The following UNC79 variants were observed in gnomAD, a reference collection of about 807,000 sequenced individuals.
UNC79 encodes unc-79 subunit of NALCN channel complex.
UNC79 carries 37 observed loss-of-function variants against 283.1 expected under a neutral mutation model. The ratio of observed to expected loss-of-function variants is 0.13; its 90% CI spans 0.10 to 0.17. The LOEUF is 0.17. UNC79 is among the 10% of genes least tolerant of loss of function. UNC79 has a pLI of 1.00. For synonymous variants in UNC79, 1,107 were observed against 1,200.2 expected (o/e 0.92, Z 1.61); for missense variants, 2,272 against 3,211.1 (o/e 0.71, Z 7.07).
At chr14:93,352,912 C>T (rs1235749425) in intron 1 of UNC79, among the ~76,000 whole-genome samples, 1 of 152,206 alleles carries the variant, frequency 6.6e-6, no homozygotes, top group East Asian at 1.9e-4. Context: ...GCTCAGAACA[C>T]TTATAAATCA....
chr14:93,408,691 T>TA (rs1488107086), intron 1 of UNC79, among the ~76,000 whole-genome samples: 5 of 151,792 alleles, frequency 3.3e-5, no homozygotes, highest in East Asian at 3.9e-4. Flanking sequence ...GATCTTGTCT[T>TA]AAAAAAAACC....
intron 7 of UNC79, among the ~76,000 whole-genome samples, chr14:93,514,583 A>G (rs561930353): frequency 6.6e-6 from 1 of 152,174 alleles, no homozygotes; most frequent in Non-Finnish European, 1.5e-5. Context: ...ATGCCCTTCC[A>G]CTGATCTGTG....
At chr14:93,460,645 C>G (rs2056936404) in intron 1 of UNC79, among the ~76,000 whole-genome samples, 1 of 152,148 alleles carries the variant, frequency 6.6e-6, no homozygotes, top group South Asian at 2.1e-4. Context: ...TTTCTTAATT[C>G]TTACCGAGAG....
chr14:93,704,371 G>T (rs1205950234), intron 47 of UNC79, among the ~76,000 whole-genome samples: 1 of 152,192 alleles, frequency 6.6e-6, no homozygotes, highest in Non-Finnish European at 1.5e-5. Flanking sequence ...GCTTTCGAGA[G>T]ACAATCAGTC....
intron 23 of UNC79, among the ~76,000 whole-genome samples, chr14:93,594,701 A>G (rs776320947): frequency 3.9e-5 from 6 of 152,088 alleles, no homozygotes; most frequent in African/African-American, 7.2e-5. Context: ...TCTCAGAGTA[A>G]TGTGGTAAGG....
At chr14:93,349,238 A>T (rs991692556) in intron 1 of UNC79, among the ~76,000 whole-genome samples, 4 of 152,242 alleles carry the variant, frequency 2.6e-5, no homozygotes, top group Admixed American at 2.0e-4. Context: ...TTCCGGACAC[A>T]ATAAGTGATT....
chr14:93,372,645 C>T (rs977416645), intron 1 of UNC79, among the ~76,000 whole-genome samples: 2 of 152,120 alleles, frequency 1.3e-5, no homozygotes, highest in African/African-American at 4.8e-5. Flanking sequence ...AAGCACCTAA[C>T]AACAAAGGAT....
chr14:93,474,991 GGTGCTATGT>G lies in UNC79; in HGVS notation c.448+600_448+608del, dbSNP rs1234495282. ...GCTGTATTCAGCATATGGTATTAGT[GGTGCTATGT>G]GCTATTTGCAGTATGTATACAATAT... On this transcript the variant is annotated intron_variant, in intron 3 of 48. Transcript: ENST00000555664. The surrounding 1 kb of genome is among the most constrained non-coding windows in gnomAD (Gnocchi z 4.1). Among the ~76,000 whole-genome samples the G allele has an allele frequency of 2.0e-5, 3 of 152,124 alleles. No individual in the cohort carries two copies. Among genetic ancestry groups the G allele is most frequent in the African/African-American group, 7.2e-5 (3 of 41,426 alleles).
chr14:93,455,506 TG>T (rs1440113941), intron 1 of UNC79, among the ~76,000 whole-genome samples: 1 of 152,132 alleles, frequency 6.6e-6, no homozygotes, highest in Non-Finnish European at 1.5e-5. Flanking sequence ...TCTGTGTGTG[TG>T]TAGGGGGCTA....
intron 5 of UNC79, among the ~76,000 whole-genome samples, chr14:93,493,895 A>T (rs1321146751): frequency 0.13 from 4,427 of 35,012 alleles, 395 homozygotes; most frequent in Non-Finnish European, 0.17. Flanking sequence ...ATATATATAT[A>T]TATATATTTT....
chr14:93,516,915 G>A (rs1209488808), intron 7 of UNC79, among the ~76,000 whole-genome samples: 1 of 151,926 alleles, frequency 6.6e-6, no homozygotes, highest in African/African-American at 2.4e-5. Flanking sequence ...TTAGTGTACA[G>A]ATATTATATT....
At chr14:93,642,587 A>G (rs1238817492) in intron 33 of UNC79, among the ~76,000 whole-genome samples, 1 of 152,170 alleles carries the variant, frequency 6.6e-6, no homozygotes, top group African/African-American at 2.4e-5. Flanking sequence ...CACACAGGTC[A>G]TTGAGTTGCC....
chr14:93,523,882 T>C (rs2060432656), intron 7 of UNC79, 96 bp from the exon 8 acceptor site: 2 of 1,306,570 alleles, frequency 1.5e-6, no homozygotes, highest in Admixed American at 1.9e-5. Flanking sequence ...TGATGATGGT[T>C]CTGTTTAGAA....
chr14:93,605,916 T>C (rs2065857071), intron 26 of UNC79, among the ~76,000 whole-genome samples: 1 of 152,164 alleles, frequency 6.6e-6, no homozygotes, highest in African/African-American at 2.4e-5. Context: ...AAACATTTGG[T>C]AGAGCCCCTC....
intron 47 of UNC79, among the ~76,000 whole-genome samples, chr14:93,694,692 G>C (rs2074959380): frequency 6.6e-6 from 1 of 152,032 alleles, no homozygotes; most frequent in Non-Finnish European, 1.5e-5. Flanking sequence ...GAAGCAGGAG[G>C]ATTGCTTGAG....
At chr14:93,594,562 G>T (rs1235250619) in intron 23 of UNC79, among the ~76,000 whole-genome samples, 1 of 152,128 alleles carries the variant, frequency 6.6e-6, no homozygotes, top group African/African-American at 2.4e-5. Context: ...GAGCCACTGT[G>T]CTGGGGCAGA....
At chr14:93,681,183 A>G (rs1366338480) in intron 41 of UNC79, among the ~76,000 whole-genome samples, 1 of 152,226 alleles carries the variant, frequency 6.6e-6, no homozygotes, top group Non-Finnish European at 1.5e-5. Flanking sequence ...TGGAAATGAC[A>G]GAATGTTAAT....
At chr14:93,493,247 T>C (rs2058825940) in intron 5 of UNC79, among the ~76,000 whole-genome samples, 1 of 152,044 alleles carries the variant, frequency 6.6e-6, no homozygotes, top group African/African-American at 2.4e-5. Context: ...GGCAAACAGC[T>C]GAGACTGAAG....
intron 1 of UNC79, among the ~76,000 whole-genome samples, chr14:93,398,823 A>AGGTTAGT (rs2055047954): frequency 6.6e-6 from 1 of 152,176 alleles, no homozygotes; most frequent in African/African-American, 2.4e-5. Context: ...TTAGCTAGGC[A>AGGTTAGT]AGAGGTTAAA....
Sources: allele counts gnomAD v4.1 joint callset (sites outside exome capture counted in the v4.1 genomes callset), GRCh38; gene constraint gnomAD v4.1.1; non-coding constraint Gnocchi (gnomAD v3.1); transcripts MANE v1.5; gene names NCBI Gene and HGNC (gene_info 2026-07-23, HGNC 2026-07-21).